DZANK1: variants seen among roughly 807,000 people sequenced by gnomAD.
The protein encoded by DZANK1 is double zinc ribbon and ankyrin repeat domains 1.
DZANK1 carries 91 observed loss-of-function variants against 94.5 expected under a neutral mutation model. That is an observed-to-expected ratio of 0.96 (90% CI 0.81 to 1.15). DZANK1 has a LOEUF of 1.15. Ranked by LOEUF, DZANK1 falls within the 50% of genes most tolerant of loss-of-function variation. DZANK1 has a pLI of 0.00. For synonymous variants in DZANK1, 312 were observed against 325.3 expected (o/e 0.96, Z 0.44); for missense variants, 903 against 916.4 (o/e 0.99, Z 0.19).
intron 19 of DZANK1, among the ~76,000 whole-genome samples, chr20:18,387,470 A>G (rs2048574143): frequency 6.6e-6 from 1 of 152,226 alleles, no homozygotes; most frequent in Non-Finnish European, 1.5e-5. Context: ...TAATGGAATA[A>G]ATGTCCACAG....
chr20:18,422,799 C>CATTTT (rs2057847966), intron 10 of DZANK1, among the ~76,000 whole-genome samples: 1 of 124,854 alleles, frequency 8.0e-6, no homozygotes, highest in Non-Finnish European at 1.7e-5. Context: ...TGGCTTTGTT[C>CATTTT]TTTTTTTTTT....
rs188217423 is a variant in DZANK1 at position 18,422,605 on chromosome 20, T to C, written c.954+4462A>G. On this transcript the variant is annotated intron_variant, in intron 10 of 20. Coordinates refer to ENST00000262547, the Ensembl canonical transcript of DZANK1. ...ACCTTCAGGCCATTTGTATAACGTG[T>C]ATAAGAAACATAAAGAATTTCATGT... Among the ~76,000 whole-genome samples, 5 of 152,292 alleles carry C rather than the reference T, an allele frequency of 3.3e-5. No homozygotes were observed. The East Asian group carries it at 9.6e-4, about 29-fold the overall frequency.
chr20:18,463,761 C>G lies in DZANK1; in HGVS notation c.109+1489G>C, dbSNP rs2059552249. 5.3e-5 allele frequency among the ~76,000 whole-genome samples: 8 copies of G among 152,202 alleles called. No homozygotes were observed. The South Asian group carries it at 1.7e-3, about 32-fold the overall frequency. Reference sequence around the variant, plus strand: ...TCAGCTTTTAAGCTAAAGGAGAACACAGATAATAATACATATGCTTAGTTA... The same window carrying G: ...TCAGCTTTTAAGCTAAAGGAGAACAGAGATAATAATACATATGCTTAGTTA... On this transcript the variant is annotated intron_variant, in intron 2 of 20. Transcript: ENST00000262547.
In DZANK1 at chr20:18,460,515, G is replaced by C. The variant is rs190545425; in HGVS notation, c.110-209C>G. Among the ~76,000 whole-genome samples, 389 of 152,318 alleles carry C rather than the reference G, an allele frequency of 2.6e-3. 6 individuals are homozygous for C. The highest frequency in any genetic ancestry group is 0.021 in the Admixed American group (328 of 15,304). On this transcript the variant is annotated intron_variant, in intron 2 of 20. Transcript: ENST00000262547. ...GAGGCCGAGGCGGGCGGATCACGAG[G>C]TCAGGAGTTCGAGACCATCCTGGCT... is the stretch of plus-strand genomic sequence containing the variant.
At position 18,434,814 on chromosome 20, in the gene DZANK1, G is replaced by A. The variant is rs1254656638; in HGVS notation, c.748-1049C>T. 7.2e-5 allele frequency among the ~76,000 whole-genome samples: 11 copies of A among 152,252 alleles called. No individual in the cohort carries two copies. In the East Asian group the frequency reaches 2.1e-3, roughly 29 times the overall value. ...GGCTGCTGATGGGCAAGGATCACTT[G>A]ATTTAGAGCACTGTTAAGGTGACGA... On this transcript the variant is annotated intron_variant, in intron 8 of 20. Transcript: ENST00000262547.
chr20:18,436,597 G>A (rs954667679), intron 8 of DZANK1, among the ~76,000 whole-genome samples: 2 of 152,028 alleles, frequency 1.3e-5, no homozygotes, highest in Non-Finnish European at 1.5e-5. Context: ...CATCAAAAAC[G>A]TATGGGGCAA....
chr20:18,449,673 G>A (rs1302416758), intron 6 of DZANK1, among the ~76,000 whole-genome samples: 7 of 149,522 alleles, frequency 4.7e-5, no homozygotes, highest in South Asian at 2.1e-4. Context: ...CAGGAGAATC[G>A]CTTGAACCCA....
intron 6 of DZANK1, among the ~76,000 whole-genome samples, chr20:18,451,190 T>C (rs1022171837): frequency 1.3e-5 from 2 of 152,302 alleles, no homozygotes; most frequent in African/African-American, 4.8e-5. Context: ...ATGATCTGCC[T>C]GCCTCAGCCT....
At chr20:18,437,127 T>C (rs959391596) in intron 8 of DZANK1, among the ~76,000 whole-genome samples, 3 of 152,184 alleles carry the variant, frequency 2.0e-5, no homozygotes. Context: ...TGAGGGCAGA[T>C]ACAAATGACT....
chr20:18,447,518 G>A (rs962445930), intron 7 of DZANK1, among the ~76,000 whole-genome samples: 2 of 151,870 alleles, frequency 1.3e-5, no homozygotes, highest in Non-Finnish European at 2.9e-5. Context: ...AGTAGAGATG[G>A]GGTTTCACCA....
chr20:18,461,681 CCTCT>C (rs1319971024), intron 2 of DZANK1, among the ~76,000 whole-genome samples: 7 of 151,420 alleles, frequency 4.6e-5, no homozygotes, highest in Non-Finnish European at 1.0e-4. Context: ...CTCACTGCAA[CCTCT>C]GCCTCCCGAG....
chr20:18,388,451 A>G (rs933582584), intron 19 of DZANK1, among the ~76,000 whole-genome samples: 1 of 152,248 alleles, frequency 6.6e-6, no homozygotes, highest in Non-Finnish European at 1.5e-5. Flanking sequence ...TGGACTCTTC[A>G]TAAAGCCAGG....
chr20:18,424,515 T>A (rs2057945321), intron 10 of DZANK1, among the ~76,000 whole-genome samples: 1 of 149,580 alleles, frequency 6.7e-6, no homozygotes, highest in African/African-American at 2.5e-5. Context: ...ACAGGTGATA[T>A]CAAGTGTTGG....
intron 4 of DZANK1, among the ~76,000 whole-genome samples, chr20:18,454,961 G>A (rs183764304): frequency 1.5e-4 from 23 of 152,342 alleles, no homozygotes; most frequent in African/African-American, 5.3e-4. Flanking sequence ...TGACTTGGAT[G>A]GAAGGCTAAA....
exon 7 of DZANK1, chr20:18,448,997 T>A: frequency 6.2e-7 from 1 of 1,613,690 alleles, no homozygotes; most frequent in Non-Finnish European, 8.5e-7. Flanking sequence ...AGAAAGTCTG[T>A]CTCCCTTTGA....
intron 8 of DZANK1, among the ~76,000 whole-genome samples, chr20:18,438,218 C>CAAAAAAAAAAAAA: frequency 1.7e-5 from 1 of 57,750 alleles, no homozygotes; most frequent in East Asian, 5.1e-4. Context: ...GACTCTGTCT[C>CAAAAAAAAAAAAA]AAAAAAAAAA....
At chr20:18,459,408 G>T (rs1201702420) in intron 3 of DZANK1, among the ~76,000 whole-genome samples, 1 of 152,144 alleles carries the variant, frequency 6.6e-6, no homozygotes, top group Admixed American at 6.5e-5. Context: ...TTCAGTCAGT[G>T]GGGGGTGGGG....
chr20:18,407,830 A>G (rs2057037092), intron 13 of DZANK1, among the ~76,000 whole-genome samples: 1 of 152,266 alleles, frequency 6.6e-6, no homozygotes, highest in South Asian at 2.1e-4. Flanking sequence ...ATTAAGCAAA[A>G]GAAAGAATTA....
At chr20:18,447,587 C>G (rs1241072228) in intron 7 of DZANK1, among the ~76,000 whole-genome samples, 2 of 152,036 alleles carry the variant, frequency 1.3e-5, no homozygotes, top group Non-Finnish European at 2.9e-5. Context: ...CTCAGCCTCC[C>G]AAAGTGCTGT....
Sources: gnomAD v4.1 joint callset for allele counts (sites outside exome capture counted in the v4.1 genomes callset) on GRCh38, gnomAD v4.1.1 for gene constraint, MANE v1.5 for transcripts, NCBI Gene and HGNC (gene_info 2026-07-23, HGNC 2026-07-21) for gene names.